The following KITLG variants were observed in gnomAD, a reference collection of about 807,000 sequenced individuals.
KITLG encodes the protein c-Kit ligand.
KITLG carries 13 observed loss-of-function variants against 34.1 expected under a neutral mutation model. The observed-to-expected ratio is 0.38, with a 90% CI of 0.25 to 0.61. KITLG has a LOEUF of 0.61. KITLG is among the 20% of genes least tolerant of loss of function. The pLI, the probability that KITLG is intolerant of heterozygous loss-of-function variation, is 0.60. For missense variants in KITLG, 292 were observed against 318.9 expected (o/e 0.92, Z 0.64); for synonymous variants, 110 against 104.0 (o/e 1.06, Z -0.35).
At chr12:88,524,077 G>A (rs1434251738) in intron 3 of KITLG, among the ~76,000 whole-genome samples, 2 of 152,178 alleles carry the variant, frequency 1.3e-5, no homozygotes, top group Non-Finnish European at 2.9e-5. Flanking sequence ...TCCCAACTCT[G>A]TCAATTCACT....
At chr12:88,502,248 G>A (rs907082336) in intron 9 of KITLG, among the ~76,000 whole-genome samples, 14 of 152,150 alleles carry the variant, frequency 9.2e-5, no homozygotes, top group Non-Finnish European at 1.2e-4. Context: ...CCTGGCTAAT[G>A]TGATTCATTT....
intron 1 of KITLG, among the ~76,000 whole-genome samples, chr12:88,559,927 C>A (rs898860102): frequency 6.6e-6 from 1 of 152,164 alleles, no homozygotes; most frequent in Non-Finnish European, 1.5e-5. Flanking sequence ...CAATGACATG[C>A]CCAGGACTTG....
At chr12:88,561,063 C>T (rs1871283787) in intron 1 of KITLG, among the ~76,000 whole-genome samples, 1 of 147,344 alleles carries the variant, frequency 6.8e-6, no homozygotes, top group East Asian at 2.0e-4. Flanking sequence ...GGTTGGAAAA[C>T]ATCAACCTTA....
At chr12:88,539,362 T>C (rs1363928750) in intron 2 of KITLG, among the ~76,000 whole-genome samples, 7 of 152,068 alleles carry the variant, frequency 4.6e-5, no homozygotes, top group African/African-American at 1.7e-4. Context: ...GAGTCTATGA[T>C]TTTCAGACCT....
intron 1 of KITLG, 194 bp downstream of exon 1, chr12:88,580,070 C>A (rs1871963828): frequency 1.6e-6 from 1 of 642,566 alleles, no homozygotes; most frequent in Admixed American, 2.5e-5. Context: ...CACTCCCACT[C>A]CTTTTCTCCC....
intron 2 of KITLG, among the ~76,000 whole-genome samples, chr12:88,544,809 T>C (rs1012447648): frequency 6.6e-6 from 1 of 152,114 alleles, no homozygotes; most frequent in East Asian, 1.9e-4. Context: ...ATAAGACATA[T>C]ACACCAGAAA....
intron 1 of KITLG, among the ~76,000 whole-genome samples, chr12:88,576,020 G>A (rs551606237): frequency 6.6e-6 from 1 of 152,228 alleles, no homozygotes; most frequent in East Asian, 1.9e-4. Context: ...GAACATTAGG[G>A]ATGGGAAACT....
intron 3 of KITLG, among the ~76,000 whole-genome samples, chr12:88,528,922 T>C (rs1253870071): frequency 6.6e-6 from 1 of 152,140 alleles, no homozygotes; most frequent in Non-Finnish European, 1.5e-5. Context: ...GAAAAACGAA[T>C]AAGATCCAGT....
At chr12:88,520,038 A>C (rs1869600520) in intron 3 of KITLG, among the ~76,000 whole-genome samples, 1 of 152,202 alleles carries the variant, frequency 6.6e-6, no homozygotes, top group Non-Finnish European at 1.5e-5. Flanking sequence ...GCAGATAGGT[A>C]AGCCCCAATT....
intron 6 of KITLG, among the ~76,000 whole-genome samples, chr12:88,513,517 T>C (rs953325015): frequency 1.3e-5 from 2 of 151,708 alleles, no homozygotes; most frequent in African/African-American, 2.4e-5. Context: ...CAAGTGTATG[T>C]TGTCTACTAG....
At chr12:88,528,808 A>G (rs775944626) in intron 3 of KITLG, among the ~76,000 whole-genome samples, 1 of 152,242 alleles carries the variant, frequency 6.6e-6, no homozygotes, top group East Asian at 1.9e-4. Flanking sequence ...TAAACGGCAC[A>G]TGGGTGTTCT....
chr12:88,517,743 A>C (rs1484817782), intron 4 of KITLG, among the ~76,000 whole-genome samples: 2 of 152,132 alleles, frequency 1.3e-5, no homozygotes, highest in African/African-American at 4.8e-5. Context: ...CAAAGATTAA[A>C]GGTAGTGATT....
chr12:88,510,145 G>A (rs1287929482), intron 6 of KITLG, among the ~76,000 whole-genome samples: 1 of 152,114 alleles, frequency 6.6e-6, no homozygotes, highest in South Asian at 2.1e-4. Context: ...ACCAACATCT[G>A]TAGAAATACA....
Position 88,522,721 on chromosome 12 carries a change from C to T in KITLG, c.193-3854G>A, listed in dbSNP as rs188654069. 1.3e-4 allele frequency among the ~76,000 whole-genome samples: 20 copies of T among 152,146 alleles called. No individual in the cohort carries two copies. In the East Asian group the frequency reaches 1.9e-3, roughly 15 times the overall value. Reference sequence around the variant, plus strand: ...GGGATTACAGGAGTGAGCCACCGCGCCCACCCCACAGACAGTCTTTAAGAG... The same window carrying T: ...GGGATTACAGGAGTGAGCCACCGCGTCCACCCCACAGACAGTCTTTAAGAG... On this transcript the variant is annotated intron_variant, in intron 3 of 9. Coordinates refer to ENST00000644744, the MANE Select transcript of KITLG (RefSeq NM_000899.5).
intron 2 of KITLG, among the ~76,000 whole-genome samples, chr12:88,534,257 C>T (rs1274971611): frequency 6.6e-6 from 1 of 152,116 alleles, no homozygotes; most frequent in Non-Finnish European, 1.5e-5. Flanking sequence ...CTTAGCTCCA[C>T]TACATATTTT....
At chr12:88,539,630 A>C (rs938008587) in intron 2 of KITLG, among the ~76,000 whole-genome samples, 6 of 152,154 alleles carry the variant, frequency 3.9e-5, no homozygotes, top group African/African-American at 1.4e-4. Flanking sequence ...TTAGTGATTA[A>C]AAATAAATTG....
chr12:88,526,706 A>C (rs549608666), intron 3 of KITLG, among the ~76,000 whole-genome samples: 1 of 152,296 alleles, frequency 6.6e-6, no homozygotes, highest in South Asian at 2.1e-4. Flanking sequence ...AATCAAAACC[A>C]AAATCTAAAA....
chr12:88,575,101 A>G (rs1471795207), intron 1 of KITLG, among the ~76,000 whole-genome samples: 2 of 152,212 alleles, frequency 1.3e-5, no homozygotes, highest in South Asian at 4.1e-4. Flanking sequence ...TCAAATATCT[A>G]TTTTACTAGT....
In KITLG at chr12:88,561,691, C is replaced by T. The variant is rs528231044; in HGVS notation, c.16-15826G>A. 1.9e-4 allele frequency among the ~76,000 whole-genome samples: 29 copies of T among 152,338 alleles called. No individual in the cohort carries two copies. The South Asian group carries it at 4.8e-3, about 25-fold the overall frequency. On this transcript the variant is annotated intron_variant, in intron 1 of 9. Transcript: ENST00000644744. ...CCTAATCAAGGCCTACAGAGACCTT[C>T]GGAAGACAGACTTGTCCAACTCCAT...
Sources: allele counts gnomAD v4.1 joint callset (sites outside exome capture counted in the v4.1 genomes callset), GRCh38; gene constraint gnomAD v4.1.1; transcripts MANE v1.5; gene names NCBI Gene and HGNC (gene_info 2026-07-23, HGNC 2026-07-21).